The following OSBPL1A variants were observed in gnomAD, a reference collection of about 807,000 sequenced individuals.
The protein encoded by OSBPL1A is oxysterol-binding protein-related protein 1.
Under a neutral mutation model 137.1 loss-of-function variants are expected in OSBPL1A, and 80 were observed. The observed-to-expected ratio is 0.58, with a 90% CI of 0.49 to 0.70. OSBPL1A has a LOEUF of 0.70. Ranked by LOEUF, OSBPL1A falls within the 30% of genes least tolerant of loss-of-function variation. OSBPL1A has a pLI of 0.00. For synonymous variants in OSBPL1A, 365 were observed against 389.7 expected (o/e 0.94, Z 0.75); for missense variants, 970 against 1,129.4 (o/e 0.86, Z 2.02).
In OSBPL1A at chr18:24,174,931, C is replaced by A. The variant is rs1308716597; in HGVS notation, c.2094-2448G>T. ...ATGACTACAGGCATGTGTCCCCATGCCTGGCTAAATTTATTTTACTTTATT... is the reference window on the plus strand; with the variant it reads ...ATGACTACAGGCATGTGTCCCCATGACTGGCTAAATTTATTTTACTTTATT... On this transcript the variant is annotated intron_variant, in intron 21 of 27. Transcript: ENST00000319481. Among the ~76,000 whole-genome samples, 7 of 151,034 alleles carry A rather than the reference C, an allele frequency of 4.6e-5. No homozygotes were observed. In the East Asian group the frequency reaches 1.4e-3, roughly 30 times the overall value.
At chr18:24,252,282 C>T (rs996557534) in intron 15 of OSBPL1A, among the ~76,000 whole-genome samples, 4 of 152,090 alleles carry the variant, frequency 2.6e-5, no homozygotes, top group Non-Finnish European at 1.5e-5. Flanking sequence ...AAGAATCAAA[C>T]TCCCAAAGGT....
At chr18:24,224,934 A>T in intron 17 of OSBPL1A, 108 bp downstream of exon 17, 3 of 1,389,556 alleles carry the variant, frequency 2.2e-6, no homozygotes, top group Non-Finnish European at 3.0e-6. Flanking sequence ...ATAGCAATAT[A>T]AATCCCCTAC....
chr18:24,272,248 CTTTTTTCTTTTTTTTTTTT>C, intron 15 of OSBPL1A: 1 of 976,774 alleles, frequency 1.0e-6, no homozygotes, highest in Non-Finnish European at 1.2e-6. Context: ...TTTTTTTTTT[CTTTTTTCTTTTTTTTTTTT>C]TTTAACCAAC....
intron 4 of OSBPL1A, among the ~76,000 whole-genome samples, chr18:24,344,970 T>G (rs528336472): frequency 6.6e-6 from 1 of 151,584 alleles, no homozygotes; most frequent in Non-Finnish European, 1.5e-5. Context: ...TGTGCCACCA[T>G]GTCTGGCTAA....
intron 22 of OSBPL1A, among the ~76,000 whole-genome samples, chr18:24,171,943 CT>C (rs371618047): frequency 2.2e-3 from 315 of 140,160 alleles, no homozygotes; most frequent in Admixed American, 2.1e-3. Context: ...TTGCCTGATC[CT>C]TTTTTTTTTT....
rs1472847935 is a variant in OSBPL1A at position 24,179,797 on chromosome 18, C to T, written c.1851G>A (p.Gln617=). The part of the protein sequence containing the change: ...AAFAVSAVAS[Q]WERTGKPFNP... ...TGAAAGGTTTTCCAGTCCGTTCCCA[C>T]TGAGAAGCAACAGCAGATACAGCAA... The change falls in exon 20 of 28, where the codon CAG becomes CAA. Residue 617 remains glutamine, a synonymous_variant. Coordinates refer to ENST00000319481, the MANE Select transcript of OSBPL1A (RefSeq NM_080597.4). The T allele has an allele frequency of 6.2e-7, 1 of 1,614,208 alleles. No individual in the cohort carries two copies. The highest frequency in any genetic ancestry group is 1.1e-5 in the South Asian group (1 of 91,080).
intron 4 of OSBPL1A, among the ~76,000 whole-genome samples, chr18:24,350,654 G>T (rs1484643348): frequency 6.6e-6 from 1 of 151,938 alleles, no homozygotes; most frequent in African/African-American, 2.4e-5. Context: ...CACACACACA[G>T]GAACAGGAAT....
chr18:24,304,842 T>C (rs927779425), intron 13 of OSBPL1A, among the ~76,000 whole-genome samples: 1 of 152,208 alleles, frequency 6.6e-6, no homozygotes, highest in Admixed American at 6.5e-5. Context: ...TCTTCAAAAT[T>C]TGTATTACTC....
At chr18:24,177,627 C>T (rs775209480) in intron 21 of OSBPL1A, among the ~76,000 whole-genome samples, 8 of 152,188 alleles carry the variant, frequency 5.3e-5, no homozygotes, top group Admixed American at 6.5e-5. Flanking sequence ...ATTTATCTAA[C>T]GCCTAACATG....
chr18:24,257,133 G>T, intron 15 of OSBPL1A, among the ~76,000 whole-genome samples: 1 of 151,884 alleles, frequency 6.6e-6, no homozygotes, highest in East Asian at 1.9e-4. Flanking sequence ...AACAATTTTA[G>T]AATTTATGTG....
At chr18:24,245,139 G>A (rs1323966803) in intron 15 of OSBPL1A, among the ~76,000 whole-genome samples, 1 of 151,902 alleles carries the variant, frequency 6.6e-6, no homozygotes, top group Non-Finnish European at 1.5e-5. Context: ...TGTCAACCAC[G>A]CTGGAGTGCA....
chr18:24,394,387 A>C (rs2144293854), intron 1 of OSBPL1A, among the ~76,000 whole-genome samples: 1 of 152,328 alleles, frequency 6.6e-6, no homozygotes, highest in Admixed American at 6.5e-5. Flanking sequence ...GAAGTTGTTT[A>C]AAATAACTTT....
At chr18:24,319,685 A>G (rs1433436048) in intron 7 of OSBPL1A, among the ~76,000 whole-genome samples, 1 of 152,060 alleles carries the variant, frequency 6.6e-6, no homozygotes, top group Non-Finnish European at 1.5e-5. Context: ...AAGGTAAAAA[A>G]ACAAACAAAC....
rs754458969 is a variant in OSBPL1A at position 24,303,643 on chromosome 18, C to T, written c.1168G>A (p.Ala390Thr). 1 of 1,611,734 alleles carries T rather than the reference C, an allele frequency of 6.2e-7. No individual in the cohort carries two copies. The highest frequency in any genetic ancestry group is 2.2e-5 in the East Asian group (1 of 44,766). ...ATAGTGCTTGTCTTTTTACCTTTAG[C>T]CATGTCACACTCCTTAATCATTTTG... ...FLKMIKECDM[A>T]KEMLPSFLQK... The change falls in exon 14 of 28, where the codon GCT becomes ACT. Residue 390 changes from alanine to threonine, a missense_variant. This residue lies in a region of OSBPL1A where 647 missense variants were observed against 672.6 expected (regional missense o/e 0.96). Coordinates refer to ENST00000319481, the MANE Select transcript of OSBPL1A (RefSeq NM_080597.4).
At chr18:24,215,775 G>A (rs1446281778) in intron 17 of OSBPL1A, among the ~76,000 whole-genome samples, 3 of 152,166 alleles carry the variant, frequency 2.0e-5, no homozygotes, top group Non-Finnish European at 2.9e-5. Flanking sequence ...GTGGGCAGAA[G>A]AAACAGGTTA....
At chr18:24,188,003 T>G (rs2086794609) in intron 18 of OSBPL1A, among the ~76,000 whole-genome samples, 1 of 150,706 alleles carries the variant, frequency 6.6e-6, no homozygotes, top group Non-Finnish European at 1.5e-5. Context: ...GTGGGATTGA[T>G]CATAAAGAAA....
chr18:24,238,890 A>G (rs533275582), intron 16 of OSBPL1A, among the ~76,000 whole-genome samples: 7 of 152,288 alleles, frequency 4.6e-5, no homozygotes, highest in African/African-American at 9.6e-5. Flanking sequence ...CTCTCCTTAC[A>G]ATATGTGCTA....
chr18:24,255,683 C>G (rs2089251133), intron 15 of OSBPL1A, among the ~76,000 whole-genome samples: 1 of 152,158 alleles, frequency 6.6e-6, no homozygotes, highest in Non-Finnish European at 1.5e-5. Context: ...AAACTGTGCT[C>G]TGACCACCTT....
intron 15 of OSBPL1A, among the ~76,000 whole-genome samples, chr18:24,259,253 G>C (rs2089379026): frequency 6.6e-6 from 1 of 152,090 alleles, no homozygotes; most frequent in African/African-American, 2.4e-5. Flanking sequence ...GTGCACAACT[G>C]TATCCTAGTA....
Sources: gnomAD v4.1 joint callset for allele counts (sites outside exome capture counted in the v4.1 genomes callset) on GRCh38, gnomAD v4.1.1 for gene constraint, gnomAD v4.1.1 regional missense constraint, MANE v1.5 for transcripts, NCBI Gene and HGNC (gene_info 2026-07-23, HGNC 2026-07-21) for gene names.